Variants in PCSK5 observed in about 807,000 individuals in gnomAD.
The protein encoded by PCSK5 is proprotein convertase subtilisin/kexin type 5, also known as prohormone convertase 5.
A neutral mutation model predicts 233.2 loss-of-function variants in PCSK5; 129 were observed. The observed-to-expected ratio is 0.55, with a 90% CI of 0.48 to 0.64. PCSK5 has a LOEUF of 0.64. Among genes scored for constraint, PCSK5 ranks in the 30% least tolerant of loss-of-function variants. The pLI is 0.00. For missense variants in PCSK5, 2,076 were observed against 2,430.1 expected, an observed-to-expected ratio of 0.85 and a Z score of 3.06; for synonymous variants, 825 against 879.2, an observed-to-expected ratio of 0.94 and a Z score of 1.09.
intron 24 of PCSK5, among the ~76,000 whole-genome samples, chr9:76,273,292 G>A (rs17062312): frequency 0.036 from 5,407 of 152,030 alleles, 311 homozygotes; most frequent in African/African-American, 0.12. Context: ...AAATTGTTCA[G>A]AATCCTCTTA....
chr9:76,143,294 G>A (rs1246638430), intron 10 of PCSK5, among the ~76,000 whole-genome samples: 1 of 152,122 alleles, frequency 6.6e-6, no homozygotes, highest in East Asian at 1.9e-4. Flanking sequence ...CAGGTATGGT[G>A]TGATGAGGAA....
intron 5 of PCSK5, among the ~76,000 whole-genome samples, chr9:76,057,843 T>C (rs1391648711): frequency 4.9e-5 from 7 of 141,680 alleles, no homozygotes; most frequent in African/African-American, 1.9e-4. Context: ...TTTTTTTTTT[T>C]TTTTTTTTTT....
chr9:76,316,418 C>T (rs1829033517), intron 30 of PCSK5, among the ~76,000 whole-genome samples: 2 of 151,960 alleles, frequency 1.3e-5, no homozygotes, highest in South Asian at 4.2e-4. Context: ...AACAATGAAT[C>T]CATCAAATTT....
intron 24 of PCSK5, among the ~76,000 whole-genome samples, chr9:76,261,002 T>C (rs942412516): frequency 1.3e-5 from 2 of 152,184 alleles, no homozygotes; most frequent in Non-Finnish European, 1.5e-5. Flanking sequence ...GAAACTCCAT[T>C]TCATGCCTAT....
chr9:75,910,015 T>C (rs1243145733), intron 1 of PCSK5, among the ~76,000 whole-genome samples: 1 of 152,148 alleles, frequency 6.6e-6, no homozygotes, highest in African/African-American at 2.4e-5. Flanking sequence ...TTAGTCTGAG[T>C]CCTTGAGAGA....
At chr9:76,060,898 CTAGT>C (rs1221001154) in intron 5 of PCSK5, among the ~76,000 whole-genome samples, 2 of 152,014 alleles carry the variant, frequency 1.3e-5, no homozygotes, top group Non-Finnish European at 2.9e-5. Flanking sequence ...GTCTTACTCT[CTAGT>C]TAAAGACTCA....
intron 8 of PCSK5, among the ~76,000 whole-genome samples, chr9:76,104,028 G>A (rs1831876309): frequency 6.6e-6 from 1 of 152,196 alleles, no homozygotes; most frequent in Non-Finnish European, 1.5e-5. Flanking sequence ...AAATTACACT[G>A]TCAGATCCTA....
At chr9:76,008,556 G>T (rs1248197422) in intron 3 of PCSK5, among the ~76,000 whole-genome samples, 1 of 151,890 alleles carries the variant, frequency 6.6e-6, no homozygotes, top group East Asian at 1.9e-4. Context: ...CTGCCTCCCA[G>T]GTTCAAGTGA....
chr9:76,034,210 A>G (rs1828761427), intron 5 of PCSK5, among the ~76,000 whole-genome samples: 1 of 152,034 alleles, frequency 6.6e-6, no homozygotes. Flanking sequence ...CTGACAATTC[A>G]TACCAATTAA....
At chr9:76,302,741 G>T (rs758178429) in intron 28 of PCSK5, among the ~76,000 whole-genome samples, 17 of 152,250 alleles carry the variant, frequency 1.1e-4, no homozygotes, top group Admixed American at 2.6e-4. Flanking sequence ...TTACAGGCAA[G>T]GTGATAAACC....
chr9:76,301,077 A>T (rs932980143), intron 27 of PCSK5, among the ~76,000 whole-genome samples: 6 of 151,874 alleles, frequency 4.0e-5, no homozygotes, highest in African/African-American at 1.2e-4. Context: ...TTCAAGACCA[A>T]CCTGGCCAAC....
intron 24 of PCSK5, among the ~76,000 whole-genome samples, chr9:76,259,103 C>A (rs1487479889): frequency 1.3e-5 from 2 of 152,190 alleles, no homozygotes; most frequent in African/African-American, 2.4e-5. Flanking sequence ...CTTGGGAATT[C>A]TATAATATGT....
intron 6 of PCSK5, among the ~76,000 whole-genome samples, chr9:76,069,646 C>T (rs538013006): frequency 6.6e-6 from 1 of 152,174 alleles, no homozygotes; most frequent in Admixed American, 6.5e-5. Context: ...AGAAAATGAA[C>T]ATCACCCTCT....
intron 2 of PCSK5, among the ~76,000 whole-genome samples, chr9:75,958,082 A>G (rs1354691692): frequency 6.6e-6 from 1 of 152,228 alleles, no homozygotes; most frequent in Non-Finnish European, 1.5e-5. Flanking sequence ...TGTCTGCCCT[A>G]TCTATCTAAC....
intron 15 of PCSK5, among the ~76,000 whole-genome samples, chr9:76,180,003 CTT>C (rs112435943): frequency 1.5e-5 from 2 of 135,970 alleles, no homozygotes; most frequent in Non-Finnish European, 1.5e-5. Context: ...CCAGACCTTT[CTT>C]TTTTTTTTTT....
At chr9:76,335,309 T>TG (rs1044489618) in intron 34 of PCSK5, among the ~76,000 whole-genome samples, 1 of 152,016 alleles carries the variant, frequency 6.6e-6, no homozygotes, top group African/African-American at 2.4e-5. Context: ...CCAGGGCTGG[T>TG]GGGGGGAGGC....
rs1055857581 is a variant in PCSK5, at chr9:75,890,845, AG to A, written c.-336del. On this transcript the variant is annotated 5_prime_UTR_variant, in exon 1 of 38. Transcript: ENST00000674117. ...CGGGAGGAGCGAGACCGAGTCGGAG[AG>A]TCCGGGAGCCAAGCCGGGCGAAACC... 38 of 236,788 alleles carry A rather than the reference AG, an allele frequency of 1.6e-4. No individual in the cohort carries two copies. The highest frequency in any genetic ancestry group is 2.9e-4 in the Non-Finnish European group (36 of 122,526). 14.7% of individuals were successfully genotyped at this position (236,788 alleles called of 1,614,324 possible).
At chr9:76,261,819 G>C (rs1194253772) in intron 24 of PCSK5, among the ~76,000 whole-genome samples, 1 of 152,098 alleles carries the variant, frequency 6.6e-6, no homozygotes, top group Non-Finnish European at 1.5e-5. Context: ...TCTGTTATTG[G>C]TGTATAAAAA....
chr9:76,112,774 G>A (rs1476534381), intron 9 of PCSK5, among the ~76,000 whole-genome samples: 1 of 151,998 alleles, frequency 6.6e-6, no homozygotes, highest in Non-Finnish European at 1.5e-5. Context: ...GGAAGCAAAT[G>A]TACACTAACA....
Sources: gnomAD v4.1 joint callset for allele counts (sites outside exome capture counted in the v4.1 genomes callset) on GRCh38, gnomAD v4.1.1 for gene constraint, MANE v1.5 for transcripts, NCBI Gene and HGNC (gene_info 2026-07-23, HGNC 2026-07-21) for gene names.